LAMC2: variants seen among roughly 807,000 people sequenced by gnomAD.
LAMC2 encodes the protein laminin subunit gamma 2.
LAMC2 carries 97 observed loss-of-function variants against 140.2 expected under a neutral mutation model. That is an observed-to-expected ratio of 0.69 (90% CI 0.59 to 0.82). The LOEUF is 0.82. Ranked by LOEUF, LAMC2 falls within the 40% of genes least tolerant of loss-of-function variation. The probability of loss-of-function intolerance (pLI) is 0.00; values close to 1 mark genes in which losing one functional copy is unlikely to be tolerated. For missense variants in LAMC2, 1,402 were observed against 1,476.1 expected, an observed-to-expected ratio of 0.95 and a Z score of 0.82; for synonymous variants, 513 against 540.2, an observed-to-expected ratio of 0.95 and a Z score of 0.70.
downstream of LAMC2, among the ~76,000 whole-genome samples, chr1:183,245,706 G>A (rs1660227296): frequency 6.6e-6 from 1 of 152,226 alleles, no homozygotes; most frequent in African/African-American, 2.4e-5. Context: ...ACTTCACAGT[G>A]ACAATTCTAC....
chr1:183,201,888 A>C (rs1658717089), intron 1 of LAMC2, among the ~76,000 whole-genome samples: 1 of 152,254 alleles, frequency 6.6e-6, no homozygotes, highest in African/African-American at 2.4e-5. Context: ...AACTGGATTA[A>C]AATAAGCATC....
Position 183,228,681 on chromosome 1 carries a change from C to A in LAMC2, c.1714+62C>A. The A allele has an allele frequency of 6.2e-7, 1 of 1,601,832 alleles. No individual in the cohort carries two copies. Among genetic ancestry groups the A allele is most frequent in the Non-Finnish European group, 8.5e-7 (1 of 1,173,564 alleles). On this transcript the variant is annotated intron_variant, in intron 11 of 22. Transcript: ENST00000264144. The surrounding 1 kb of genome is among the most constrained non-coding windows in gnomAD (Gnocchi z 4.3). The stretch of plus-strand genomic sequence containing the variant: ...GCCTGTGTACGTATGCACTTGCTTG[C>A]CATCTAAGCAGGGACAATGGCAGTT...
At chr1:183,232,144 C>A in intron 12 of LAMC2, 43 bp from the exon 13 acceptor site, 2 of 1,610,548 alleles carry the variant, frequency 1.2e-6, no homozygotes, top group Non-Finnish European at 1.7e-6. Context: ...CCCTTGGGTA[C>A]ATGGTCTCCA....
chr1:183,236,906 C>T (rs976774760), intron 17 of LAMC2, among the ~76,000 whole-genome samples: 10 of 152,056 alleles, frequency 6.6e-5, no homozygotes, highest in African/African-American at 1.4e-4. Flanking sequence ...TTTTTGTTTA[C>T]GCTTGAGTCC....
chr1:183,224,559 C>T (rs12044752), intron 7 of LAMC2, among the ~76,000 whole-genome samples: 39,077 of 151,892 alleles, frequency 0.26, 5,798 homozygotes, highest in African/African-American at 0.39. Flanking sequence ...AGTGGCTCAA[C>T]TGAGAGTGGT....
downstream of LAMC2, chr1:183,248,274 C>T (rs200629411): frequency 6.6e-6 from 1 of 152,594 alleles, no homozygotes; most frequent in Non-Finnish European, 1.5e-5. Flanking sequence ...ATAATTGAAA[C>T]ATTTTGCATA....
downstream of LAMC2, among the ~76,000 whole-genome samples, chr1:183,245,826 C>A (rs1447096571): frequency 4.6e-5 from 7 of 152,244 alleles, no homozygotes; most frequent in East Asian, 1.4e-3. Context: ...AGTTAATAAC[C>A]ACGGTATGTG....
intron 4 of LAMC2, 61 bp from the exon 5 acceptor site, chr1:183,220,764 T>G: frequency 6.6e-7 from 1 of 1,520,528 alleles, no homozygotes; most frequent in South Asian, 1.1e-5. Context: ...TCATTCATCA[T>G]ATTTTTTCTA....
chr1:183,193,394 A>G (rs983333282), intron 1 of LAMC2, among the ~76,000 whole-genome samples: 4 of 152,166 alleles, frequency 2.6e-5, no homozygotes, highest in African/African-American at 9.7e-5. Context: ...ATCTGTATAT[A>G]CGTAATCACG....
intron 20 of LAMC2, chr1:183,239,811 G>C: frequency 1.5e-6 from 1 of 648,476 alleles, no homozygotes; most frequent in Non-Finnish European, 2.7e-6. Context: ...TGAACTGAGA[G>C]AGAAGCACTG....
downstream of LAMC2, among the ~76,000 whole-genome samples, chr1:183,247,927 T>C (rs935320847): frequency 6.6e-6 from 1 of 152,282 alleles, no homozygotes; most frequent in Admixed American, 6.5e-5. Context: ...CATAAAATAC[T>C]AATTTCATTG....
intron 1 of LAMC2, among the ~76,000 whole-genome samples, chr1:183,191,623 C>T (rs926313302): frequency 5.3e-5 from 8 of 151,724 alleles, no homozygotes; most frequent in Admixed American, 5.3e-4. Context: ...TTTGGGAGGC[C>T]GAGGCGGGCG....
downstream of LAMC2, among the ~76,000 whole-genome samples, chr1:183,247,721 T>A (rs966543084): frequency 1.3e-5 from 2 of 152,102 alleles, no homozygotes; most frequent in African/African-American, 4.8e-5. Flanking sequence ...CCTAACCCAA[T>A]ATAGGGTGTG....
intron 3 of LAMC2, among the ~76,000 whole-genome samples, chr1:183,217,392 T>C (rs964309101): frequency 3.3e-5 from 5 of 152,000 alleles, no homozygotes; most frequent in Admixed American, 2.6e-4. Flanking sequence ...CAAAAGTCTA[T>C]TAAACCCAGC....
chr1:183,191,034 A>C (rs1658314746), intron 1 of LAMC2, among the ~76,000 whole-genome samples: 1 of 152,206 alleles, frequency 6.6e-6, no homozygotes, highest in African/African-American at 2.4e-5. Flanking sequence ...CATTATGAGA[A>C]TTGTTTAGAC....
rs763550550 is a variant in LAMC2, at chr1:183,186,339, G to A, written c.-14G>A. 2.8e-5 allele frequency: 44 copies of A among 1,587,700 alleles called. No individual in the cohort carries two copies. The highest frequency in any genetic ancestry group is 3.3e-5 in the Non-Finnish European group (39 of 1,173,736). On this transcript the variant is annotated 5_prime_UTR_variant, in exon 1 of 23. Coordinates refer to ENST00000264144, the MANE Select transcript of LAMC2 (RefSeq NM_005562.3). ...CCTGCAGCGGAGACAGAGACTGAGC[G>A]GCCCGGCCCCGCCATGCCTGCGCTC... is the stretch of plus-strand genomic sequence containing the variant.
At position 183,216,730 on chromosome 1, in the gene LAMC2, AT is replaced by A. The variant is rs1344951322; in HGVS notation, c.404+1144del. On this transcript the variant is annotated intron_variant, in intron 3 of 22. Coordinates refer to ENST00000264144, the MANE Select transcript of LAMC2 (RefSeq NM_005562.3). ...TGTTTCACTCCATATCTTATTTTCT[AT>A]TCATGTTTGTCCATTTCTCCCACTA... Among the ~76,000 whole-genome samples, 4 of 151,716 alleles carry A rather than the reference AT, an allele frequency of 2.6e-5. No individual in the cohort carries two copies. In the East Asian group the frequency reaches 7.7e-4, roughly 29 times the overall value.
At chr1:183,221,724 G>C (rs1000841438) in intron 5 of LAMC2, among the ~76,000 whole-genome samples, 1 of 147,778 alleles carries the variant, frequency 6.8e-6, no homozygotes, top group African/African-American at 2.5e-5. Flanking sequence ...GCGAGACTCC[G>C]TCTTAAAAAA....
chr1:183,252,412 C>T, the LAMC2 span: 1 of 472,970 alleles, frequency 2.1e-6, no homozygotes, highest in African/African-American at 2.0e-5. Context: ...GACTCCCACC[C>T]CATTCCCTCA....
Sources: allele counts gnomAD v4.1 joint callset (sites outside exome capture counted in the v4.1 genomes callset), GRCh38; gene constraint gnomAD v4.1.1; non-coding constraint Gnocchi (gnomAD v3.1); transcripts MANE v1.5; gene names NCBI Gene and HGNC (gene_info 2026-07-23, HGNC 2026-07-21).